FDFT1: variants seen among roughly 807,000 people sequenced by gnomAD.
FDFT1 encodes the protein squalene synthase.
FDFT1 carries 68 observed loss-of-function variants against 46.8 expected under a neutral mutation model. The ratio of observed to expected loss-of-function variants is 1.45; its 90% confidence interval spans 1.19 to 1.78. The LOEUF is 1.78. Ranked by LOEUF, FDFT1 falls within the 40% of genes most tolerant of loss-of-function variation. The pLI is 0.00. For synonymous variants in FDFT1, 351 were observed against 185.1 expected (o/e 1.90, Z -7.28); for missense variants, 928 against 524.4 (o/e 1.77, Z -7.52).
In FDFT1 at chr8:11,803,366, C is replaced by T. The variant is rs926018543; in HGVS notation, c.99+435C>T. On this transcript the variant is annotated intron_variant, in intron 1 of 7. Coordinates refer to ENST00000220584, the MANE Select transcript of FDFT1 (RefSeq NM_004462.5). ...GTTTCTGGAATGAAGTCTGACTCCT[C>T]CAGTTTCACCACCTCTTCCGGAGCT... 1.4e-5 allele frequency: 18 copies of T among 1,289,976 alleles called. No individual in the cohort carries two copies. In the African/African-American group the frequency reaches 2.1e-4, roughly 15 times the overall value. 79.9% of individuals were successfully genotyped at this position (1,289,976 alleles called of 1,614,324 possible). A position where few individuals can be genotyped will look rare whatever the true frequency, so the allele number is the denominator to read the frequency against.
In FDFT1 at chr8:11,825,819, G is replaced by A. The variant is rs1466477426; in HGVS notation, c.511-205G>A. The stretch of plus-strand genomic sequence containing the variant: ...TGAAAAATAAAAACATCAAATTCCC[G>A]TCAGCCAGAGACTGCTATGAAATGT... On this transcript the variant is annotated intron_variant, in intron 4 of 7. Coordinates refer to ENST00000220584, the MANE Select transcript of FDFT1 (RefSeq NM_004462.5). Among the ~76,000 whole-genome samples, 7 of 152,000 alleles carry A rather than the reference G, an allele frequency of 4.6e-5. No individual in the cohort carries two copies. The South Asian group carries it at 6.2e-4, about 14-fold the overall frequency.
At chr8:11,832,138 C>T (rs926080362) in intron 7 of FDFT1, among the ~76,000 whole-genome samples, 3 of 152,118 alleles carry the variant, frequency 2.0e-5, no homozygotes, top group Non-Finnish European at 4.4e-5. Flanking sequence ...CCAAGGAAAG[C>T]CATCAAGTTG....
chr8:11,816,861 C>A lies in FDFT1; in HGVS notation c.382-4889C>A, dbSNP rs1252679422. On this transcript the variant is annotated intron_variant, in intron 3 of 7. Coordinates refer to ENST00000220584, the MANE Select transcript of FDFT1 (RefSeq NM_004462.5). ...TTTCCTAATTGAATACCCTTTATTT[C>A]TTTCTCTTGCCTGATTATCCTGGCC... 3.3e-5 allele frequency among the ~76,000 whole-genome samples: 5 copies of A among 152,268 alleles called. No individual in the cohort carries two copies. The East Asian group carries it at 9.6e-4, about 29-fold the overall frequency.
At chr8:11,799,198 G>C (rs908640467), upstream of FDFT1, among the ~76,000 whole-genome samples, 5 of 152,238 alleles carry the variant, frequency 3.3e-5, no homozygotes, top group Non-Finnish European at 7.3e-5. Context: ...TGAGTGTACA[G>C]TTTCTGTAAA....
intron 3 of FDFT1, among the ~76,000 whole-genome samples, chr8:11,814,299 G>C (rs1808140079): frequency 1.5e-5 from 2 of 137,386 alleles, no homozygotes; most frequent in South Asian, 4.4e-4. Flanking sequence ...TGATTTTATA[G>C]GTTTTTTTTT....
Position 11,831,621 on chromosome 8 carries a change from C to T in FDFT1, c.983C>T (p.Ala328Val). 6.2e-7 allele frequency: 1 copy of T among 1,613,858 alleles called. No homozygotes were observed. Among genetic ancestry groups the T allele is most frequent in the Non-Finnish European group, 8.5e-7 (1 of 1,179,748 alleles). Residue 328 changes from alanine to valine, a missense_variant, in exon 7 of 8, where the codon GCC (alanine) becomes GTC (valine). Coordinates refer to ENST00000220584, the MANE Select transcript of FDFT1 (RefSeq NM_004462.5). ...CAAGCAGTGACCCTGATGATGGATGCCACCAATATGCCAGCTGTCAAAGCC... is the reference window on the plus strand; with the variant it reads ...CAAGCAGTGACCCTGATGATGGATGTCACCAATATGCCAGCTGTCAAAGCC... The part of the protein sequence containing the change: ...KGQAVTLMMD[A>V]TNMPAVKAII...
At chr8:11,835,191 T>A (rs1343613616) in intron 7 of FDFT1, among the ~76,000 whole-genome samples, 1 of 152,226 alleles carries the variant, frequency 6.6e-6, no homozygotes, top group Non-Finnish European at 1.5e-5. Flanking sequence ...CTATGACCTG[T>A]CCTTGACAAG....
chr8:11,809,632 G>C, intron 2 of FDFT1, 35 bp from the exon 3 acceptor site: 1 of 1,544,396 alleles, frequency 6.5e-7, no homozygotes. Context: ...TTGGCTGTTT[G>C]TTCCAATATA....
At chr8:11,820,144 C>A (rs1408457442) in intron 3 of FDFT1, among the ~76,000 whole-genome samples, 1 of 152,124 alleles carries the variant, frequency 6.6e-6, no homozygotes, top group South Asian at 2.1e-4. Flanking sequence ...CACTCTAGAC[C>A]CTGTTTACCT....
intron 3 of FDFT1, among the ~76,000 whole-genome samples, chr8:11,821,242 G>A (rs955876392): frequency 2.0e-5 from 3 of 152,208 alleles, no homozygotes; most frequent in African/African-American, 7.2e-5. Flanking sequence ...TTTGAATCTA[G>A]AAACATTAGC....
At position 11,831,520 on chromosome 8, in the gene FDFT1, G is replaced by T; in HGVS notation, c.882G>T (p.Val294=). The T allele has an allele frequency of 1.2e-6, 2 of 1,613,944 alleles. No individual in the cohort carries two copies. The highest frequency in any genetic ancestry group is 1.7e-6 in the Non-Finnish European group (2 of 1,179,860). Residue 294 remains valine (V), a splice_region_variant and synonymous_variant, in exon 7 of 8, where the codon GTG becomes GTT. Transcript: ENST00000220584. The part of the protein sequence containing the change: ...SVFNFCAIPQ[V]MAIATLAACY... ...CCCTCTCTTCTTGTTGTCTCTAGGT[G>T]ATGGCCATTGCCACTTTGGCTGCCT...
At chr8:11,820,173 C>A (rs909764196) in intron 3 of FDFT1, among the ~76,000 whole-genome samples, 1 of 152,148 alleles carries the variant, frequency 6.6e-6, no homozygotes, top group Admixed American at 6.6e-5. Context: ...CCAGTGGAGG[C>A]TGCAGAACAG....
chr8:11,836,909 C>T (rs1811616118), intron 7 of FDFT1, among the ~76,000 whole-genome samples: 1 of 152,204 alleles, frequency 6.6e-6, no homozygotes, highest in Non-Finnish European at 1.5e-5. Context: ...TGCACGCTTG[C>T]TGTGTGCCAG....
chr8:11,823,099 G>A lies in FDFT1; in HGVS notation c.510+1221G>A, dbSNP rs1166508020. ...CCTACCGAGTAGCTGTAACTACAGT[G>A]CATGACACCATACCAGGCTCATTTT... On this transcript the variant is annotated intron_variant, in intron 4 of 7. Coordinates refer to ENST00000220584, the MANE Select transcript of FDFT1 (RefSeq NM_004462.5). Among the ~76,000 whole-genome samples, 3 of 152,060 alleles carry A rather than the reference G, an allele frequency of 2.0e-5. No individual in the cohort carries two copies. The East Asian group carries it at 5.8e-4, about 29-fold the overall frequency.
At chr8:11,805,209 C>A (rs1806675522) in intron 1 of FDFT1, among the ~76,000 whole-genome samples, 1 of 152,176 alleles carries the variant, frequency 6.6e-6, no homozygotes. Flanking sequence ...AGCCACTGCA[C>A]CCAACCAGTT....
chr8:11,821,791 A>G lies in FDFT1; in HGVS notation c.423A>G (p.Thr141=), dbSNP rs1273361967. ...EFRNLAEKYQ[T]VIADICRRMG... ...GAAATCTGGCTGAGAAATACCAAACAGTGATTGCCGACATTTGCCGGAGAA... is the reference window on the plus strand; with the variant it reads ...GAAATCTGGCTGAGAAATACCAAACGGTGATTGCCGACATTTGCCGGAGAA... Residue 141 remains threonine (T), a synonymous_variant, in exon 4 of 8, where the codon ACA becomes ACG. Transcript: ENST00000220584. The G allele has an allele frequency of 1.2e-6, 2 of 1,613,612 alleles. No homozygotes were observed. The highest frequency in any genetic ancestry group is 8.5e-7 in the Non-Finnish European group (1 of 1,179,720).
chr8:11,822,447 T>G (rs964625564), intron 4 of FDFT1, among the ~76,000 whole-genome samples: 15 of 152,176 alleles, frequency 9.9e-5, no homozygotes, highest in African/African-American at 3.6e-4. Context: ...TTGACAGCAG[T>G]TATCTTTGGA....
chr8:11,796,712 T>C (rs1366027795), intron 1 of FDFT1, among the ~76,000 whole-genome samples: 4 of 152,204 alleles, frequency 2.6e-5, no homozygotes, highest in Non-Finnish European at 5.9e-5. Context: ...TGATTCTGAG[T>C]TGCAAGAGTC....
At chr8:11,797,710 C>T (rs941881787), upstream of FDFT1, among the ~76,000 whole-genome samples, 1 of 150,974 alleles carries the variant, frequency 6.6e-6, no homozygotes, top group African/African-American at 2.4e-5. Context: ...AAGGAGAGGC[C>T]AGGAAACACC....
Sources: allele counts gnomAD v4.1 joint callset (sites outside exome capture counted in the v4.1 genomes callset), GRCh38; gene constraint gnomAD v4.1.1; transcripts MANE v1.5; gene names NCBI Gene and HGNC (gene_info 2026-07-23, HGNC 2026-07-21).